Variants in TSPAN9 observed in about 807,000 individuals in gnomAD.
TSPAN9 encodes tetraspanin-9.
TSPAN9 carries 16 observed loss-of-function variants against 31.0 expected under a neutral mutation model. The observed-to-expected ratio is 0.52, with a 90% CI of 0.35 to 0.78. TSPAN9 has a LOEUF of 0.78. Among genes scored for constraint, TSPAN9 ranks in the 30% least tolerant of loss-of-function variants. TSPAN9 has a pLI of 0.01. For missense variants in TSPAN9, 272 were observed against 312.5 expected, an observed-to-expected ratio of 0.87 and a Z score of 0.98; for synonymous variants, 145 against 121.6, an observed-to-expected ratio of 1.19 and a Z score of -1.27.
chr12:3,173,294 T>G (rs546270621), intron 2 of TSPAN9: 1 of 152,440 alleles, frequency 6.6e-6, no homozygotes, highest in African/African-American at 2.4e-5. Flanking sequence ...ACTCTTCTTG[T>G]GCTTTCTTGA....
chr12:3,228,968 A>C (rs2098389274), intron 3 of TSPAN9, among the ~76,000 whole-genome samples: 1 of 152,096 alleles, frequency 6.6e-6, no homozygotes. Flanking sequence ...CCTCCTCTGT[A>C]TACCTCCCTT....
intron 2 of TSPAN9, among the ~76,000 whole-genome samples, chr12:3,106,999 G>T (rs905590883): frequency 3.9e-5 from 6 of 152,102 alleles, no homozygotes; most frequent in African/African-American, 1.4e-4. Flanking sequence ...GGAAGGAAAG[G>T]CTCCCTCCTG....
intron 3 of TSPAN9, among the ~76,000 whole-genome samples, chr12:3,252,989 C>G (rs977566854): frequency 3.3e-5 from 5 of 152,154 alleles, no homozygotes; most frequent in Non-Finnish European, 5.9e-5. Flanking sequence ...CATGCCCTCC[C>G]ACTGAACTGC....
At chr12:3,113,147 C>T (rs1318206197) in intron 2 of TSPAN9, among the ~76,000 whole-genome samples, 2 of 152,174 alleles carry the variant, frequency 1.3e-5, no homozygotes, top group Non-Finnish European at 2.9e-5. Context: ...CATAAGCTTA[C>T]ATTCTAATGT....
At chr12:3,274,124 G>T (rs1407884855) in intron 3 of TSPAN9, among the ~76,000 whole-genome samples, 3 of 152,190 alleles carry the variant, frequency 2.0e-5, no homozygotes, top group South Asian at 2.1e-4. Context: ...GCACTGCGGG[G>T]TGTTTGGCAG....
intron 2 of TSPAN9, among the ~76,000 whole-genome samples, chr12:3,099,824 T>C (rs2098310943): frequency 6.6e-6 from 1 of 151,926 alleles, no homozygotes; most frequent in African/African-American, 2.4e-5. Flanking sequence ...CCCTGTGTTT[T>C]TGAGGTCTGT....
Position 3,206,735 on chromosome 12 carries a change from A to G in TSPAN9, c.63+5479A>G, listed in dbSNP as rs895760307. 9.9e-5 allele frequency among the ~76,000 whole-genome samples: 15 copies of G among 152,276 alleles called. No individual in the cohort carries two copies. The South Asian group carries it at 1.7e-3, about 17-fold the overall frequency. On this transcript the variant is annotated intron_variant, in intron 3 of 8. Transcript: ENST00000011898. The stretch of plus-strand genomic sequence containing the variant: ...GGGACTTTGAGCTGCTCAGAGTTGC[A>G]TGGAGAAGTCAGACACATAAGCAGA...
chr12:3,213,623 C>T (rs1221495353), intron 3 of TSPAN9, among the ~76,000 whole-genome samples: 2 of 152,068 alleles, frequency 1.3e-5, no homozygotes, highest in Non-Finnish European at 2.9e-5. Context: ...TGCAGCGAAG[C>T]CCCCCTCCCC....
intron 2 of TSPAN9, chr12:3,149,835 C>T (rs994239707): frequency 1.8e-4 from 28 of 152,346 alleles, no homozygotes; most frequent in African/African-American, 5.5e-4. Flanking sequence ...AGCTGTATTT[C>T]GAAAAGCTTC....
intron 3 of TSPAN9, among the ~76,000 whole-genome samples, chr12:3,220,801 C>T (rs1031187918): frequency 2.1e-5 from 3 of 144,562 alleles, no homozygotes; most frequent in African/African-American, 7.8e-5. Flanking sequence ...GGTGGGAAGG[C>T]GGGCCCAAGG....
chr12:3,198,239 GTCACCACCAGCACAGC>G (rs1565610266), intron 2 of TSPAN9, among the ~76,000 whole-genome samples: 43 of 74,596 alleles, frequency 5.8e-4, no homozygotes, highest in African/African-American at 2.1e-3. Context: ...ACCAGCACAG[GTCACCACCAGCACAGC>G]TCACCACCAG....
At chr12:3,127,138 C>T (rs1355108307) in intron 2 of TSPAN9, among the ~76,000 whole-genome samples, 8 of 151,442 alleles carry the variant, frequency 5.3e-5, no homozygotes, top group East Asian at 2.0e-4. Flanking sequence ...TGGAGGCTCA[C>T]GACTATAATC....
chr12:3,089,935 A>G (rs890405056), intron 2 of TSPAN9, among the ~76,000 whole-genome samples: 7 of 151,200 alleles, frequency 4.6e-5, no homozygotes, highest in Non-Finnish European at 8.8e-5. Flanking sequence ...ATAAAATAAA[A>G]GCATCCTTTT....
chr12:3,106,537 A>C (rs1471426786), intron 2 of TSPAN9, among the ~76,000 whole-genome samples: 1 of 152,216 alleles, frequency 6.6e-6, no homozygotes, highest in East Asian at 1.9e-4. Flanking sequence ...GGGGAGGCTG[A>C]GACAGAAGGA....
intron 2 of TSPAN9, among the ~76,000 whole-genome samples, chr12:3,162,196 T>A (rs748729245): frequency 1.3e-5 from 2 of 152,216 alleles, no homozygotes; most frequent in Non-Finnish European, 2.9e-5. Flanking sequence ...CCATGTGATA[T>A]CTGCCTATGC....
At chr12:3,109,299 T>TGTGTGTGTGTGTGAGA (rs1274383200) in intron 2 of TSPAN9, among the ~76,000 whole-genome samples, 16 of 118,352 alleles carry the variant, frequency 1.4e-4, no homozygotes, top group African/African-American at 7.3e-4. Flanking sequence ...TGTGTGTGTG[T>TGTGTGTGTGTGTGAGA]GAGAGAGAGT....
chr12:3,236,892 A>T (rs926455012), intron 3 of TSPAN9, among the ~76,000 whole-genome samples: 5 of 152,166 alleles, frequency 3.3e-5, no homozygotes, highest in Admixed American at 6.5e-5. Flanking sequence ...GGTTCCTAGT[A>T]CTGTAGGGCA....
At chr12:3,199,707 G>T (rs542169107) in intron 2 of TSPAN9, among the ~76,000 whole-genome samples, 2 of 152,270 alleles carry the variant, frequency 1.3e-5, no homozygotes, top group South Asian at 2.1e-4. Flanking sequence ...GGAGCCTGGC[G>T]GAGCGCCTTG....
chr12:3,269,598 C>T (rs1310003601), intron 3 of TSPAN9, among the ~76,000 whole-genome samples: 1 of 149,878 alleles, frequency 6.7e-6, no homozygotes, highest in Non-Finnish European at 1.5e-5. Flanking sequence ...GCAGCCTGCC[C>T]TCTGTGTTCC....
Sources: allele counts gnomAD v4.1 joint callset (sites outside exome capture counted in the v4.1 genomes callset), GRCh38; gene constraint gnomAD v4.1.1; transcripts MANE v1.5; gene names NCBI Gene and HGNC (gene_info 2026-07-23, HGNC 2026-07-21).